The following FOXP4 variants were observed in gnomAD, a reference collection of about 807,000 sequenced individuals.
The protein encoded by FOXP4 is forkhead box P4.
FOXP4 carries 25 observed loss-of-function variants against 82.6 expected under a neutral mutation model. That is an observed-to-expected ratio of 0.30 (90% CI 0.22 to 0.42). The LOEUF is 0.42. FOXP4 is among the 10% of genes least tolerant of loss of function. The probability of loss-of-function intolerance (pLI) is 1.00; values close to 1 mark genes in which losing one functional copy is unlikely to be tolerated. For synonymous variants in FOXP4, 415 were observed against 388.2 expected (o/e 1.07, Z -0.81); for missense variants, 785 against 900.9 (o/e 0.87, Z 1.65).
chr6:41,557,911 C>T (rs186665907), intron 1 of FOXP4, among the ~76,000 whole-genome samples: 36 of 152,158 alleles, frequency 2.4e-4, no homozygotes, highest in African/African-American at 7.7e-4. Flanking sequence ...CCTTACAAAT[C>T]GAAGGCTTTG....
chr6:41,599,042 G>C lies in FOXP4; in HGVS notation c.*106G>C. On this transcript the variant is annotated 3_prime_UTR_variant, in exon 17 of 17. Transcript: ENST00000307972. ...CCTCCCGAGCCTCAAGGCAAGTCCA[G>C]GACTCAGACCGGGGAGGCCCGGGCC... The C allele has an allele frequency of 7.0e-7, 1 of 1,427,838 alleles. No homozygotes were observed. Among genetic ancestry groups the C allele is most frequent in the Non-Finnish European group, 9.3e-7 (1 of 1,080,576 alleles). The allele number at this position is 1,427,838 out of a possible 1,614,324, so 88.4% of individuals were successfully genotyped here. A position where few individuals can be genotyped will look rare whatever the true frequency, so the allele number is the denominator to read the frequency against.
At chr6:41,589,259 T>C (rs1249745244) in intron 9 of FOXP4, among the ~76,000 whole-genome samples, 1 of 152,218 alleles carries the variant, frequency 6.6e-6, no homozygotes, top group East Asian at 1.9e-4. Flanking sequence ...AGGAAGCAAC[T>C]CAGGGCAGCT....
At chr6:41,573,776 A>C (rs1765327607) in intron 2 of FOXP4, among the ~76,000 whole-genome samples, 1 of 152,172 alleles carries the variant, frequency 6.6e-6, no homozygotes, top group Non-Finnish European at 1.5e-5. Context: ...GGAGGCTCAA[A>C]GAGATGGTGA....
At chr6:41,567,497 C>G (rs1764949358) in intron 2 of FOXP4, among the ~76,000 whole-genome samples, 1 of 152,198 alleles carries the variant, frequency 6.6e-6, no homozygotes, top group Non-Finnish European at 1.5e-5. Context: ...ATATCCTAAC[C>G]TTTACCAACA....
At chr6:41,554,426 T>G (rs1044484134) in intron 1 of FOXP4, among the ~76,000 whole-genome samples, 1 of 152,220 alleles carries the variant, frequency 6.6e-6, no homozygotes, top group Non-Finnish European at 1.5e-5. Flanking sequence ...GGCAGCTGCC[T>G]CCTCGTGCCC....
chr6:41,591,110 C>A lies in FOXP4; in HGVS notation c.1435-111C>A. 3.5e-6 allele frequency: 3 copies of A among 860,236 alleles called. No individual in the cohort carries two copies. The highest frequency in any genetic ancestry group is 3.8e-6 in the Non-Finnish European group (2 of 530,750). The allele number at this position is 860,236 out of a possible 1,614,324, so 53.3% of individuals were successfully genotyped here. The stretch of plus-strand genomic sequence containing the variant: ...ACACATTTCTGAGCAGGTCTTCTCA[C>A]AAAGTGAACTCGGGGCTAGGCAGAA... On this transcript the variant is annotated intron_variant, in intron 12 of 16. Transcript: ENST00000307972. The surrounding 1 kb of genome is among the most constrained non-coding windows in gnomAD (Gnocchi z 4.2).
rs1767173222 is a variant in FOXP4, at chr6:41,600,609, C to T, written c.*1673C>T. On this transcript the variant is annotated 3_prime_UTR_variant, in exon 17 of 17. Coordinates refer to ENST00000307972, the MANE Select transcript of FOXP4 (RefSeq NM_001012426.2). ...GTTTGACCAGCACAGAAATATTAAA[C>T]GTCCTCTATTCACCGGGCCCTGTGT... The T allele has an allele frequency of 6.6e-6, 1 of 152,384 alleles. No homozygotes were observed. Among genetic ancestry groups the T allele is most frequent in the African/African-American group, 2.4e-5 (1 of 41,456 alleles). 9.4% of individuals were successfully genotyped at this position (152,384 alleles called of 1,614,324 possible).
At chr6:41,598,548 TC>T (rs1044637831) in intron 16 of FOXP4, among the ~76,000 whole-genome samples, 20 of 152,098 alleles carry the variant, frequency 1.3e-4, no homozygotes, top group African/African-American at 4.1e-4. Context: ...CTTCCTCCGT[TC>T]GCTCATCTCC....
rs139611420 is a variant in FOXP4 at position 41,597,340 on chromosome 6, G to A, written c.1725+98G>A. On this transcript the variant is annotated intron_variant, in intron 15 of 16. Transcript: ENST00000307972. The stretch of plus-strand genomic sequence containing the variant: ...CCTCCCCTGCAGAGGACTCACCAGA[G>A]GAGGGAAGGAGGGTGAAGACCCAAA... The A allele has an allele frequency of 1.1e-3, 1,449 of 1,285,484 alleles. 9 individuals carry two copies. In the African/African-American group the frequency reaches 0.018, roughly 16 times the overall value. 79.6% of individuals were successfully genotyped at this position (1,285,484 alleles called of 1,614,324 possible).
chr6:41,550,821 C>T (rs1268124145), intron 1 of FOXP4, among the ~76,000 whole-genome samples: 2 of 152,172 alleles, frequency 1.3e-5, no homozygotes, highest in Non-Finnish European at 2.9e-5. Flanking sequence ...AGAGAATTCC[C>T]CAGAATGCAG....
intron 1 of FOXP4, among the ~76,000 whole-genome samples, chr6:41,550,629 C>T (rs1370753902): frequency 1.3e-5 from 2 of 152,212 alleles, no homozygotes; most frequent in Non-Finnish European, 2.9e-5. Flanking sequence ...AGCTGCCATT[C>T]CTCCCTCCTT....
chr6:41,580,824 C>T (rs1765756879), intron 3 of FOXP4, among the ~76,000 whole-genome samples: 1 of 152,138 alleles, frequency 6.6e-6, no homozygotes, highest in Non-Finnish European at 1.5e-5. Context: ...CCCAGGGCTC[C>T]CCACAGAACG....
chr6:41,546,841 C>G lies in FOXP4; in HGVS notation c.-43C>G, dbSNP rs1421140406. 7 of 149,670 alleles carry G rather than the reference C, an allele frequency of 4.7e-5. No homozygotes were observed. Among genetic ancestry groups the G allele is most frequent in the Non-Finnish European group, 8.9e-5 (6 of 67,242 alleles). 9.3% of individuals were successfully genotyped at this position (149,670 alleles called of 1,614,324 possible). On this transcript the variant is annotated 5_prime_UTR_variant, in exon 1 of 17. Transcript: ENST00000307972. The stretch of plus-strand genomic sequence containing the variant: ...CCCCGCGCGGGCTGACGGGCCGGAG[C>G]CCGCACGGAGCGGCCGGGCGGGACA...
chr6:41,561,815 T>G (rs1189544756), intron 1 of FOXP4, among the ~76,000 whole-genome samples: 3 of 152,116 alleles, frequency 2.0e-5, no homozygotes, highest in Admixed American at 2.0e-4. Context: ...GACCACCTAT[T>G]TGTATAGAGA....
intron 2 of FOXP4, among the ~76,000 whole-genome samples, chr6:41,566,764 C>T (rs182180376): frequency 6.6e-6 from 1 of 152,204 alleles, no homozygotes; most frequent in Non-Finnish European, 1.5e-5. Context: ...TGATTTGACT[C>T]TGCTCCTGGA....
At chr6:41,598,634 C>A in intron 16 of FOXP4, 155 bp from the exon 17 acceptor site, 6 of 1,077,988 alleles carry the variant, frequency 5.6e-6, no homozygotes, top group East Asian at 2.6e-5. Flanking sequence ...TTGAAGAGAG[C>A]CCTAGGGGAG....
intron 2 of FOXP4, among the ~76,000 whole-genome samples, chr6:41,571,277 C>T (rs1404588550): frequency 6.6e-6 from 1 of 152,226 alleles, no homozygotes; most frequent in African/African-American, 2.4e-5. Flanking sequence ...CTGGATGAGC[C>T]CTGGGCTGCA....
At position 41,600,042 on chromosome 6, in the gene FOXP4, C is replaced by G. The variant is rs1767129276; in HGVS notation, c.*1106C>G. 6.5e-6 allele frequency: 1 copy of G among 152,740 alleles called. No homozygotes were observed. Among genetic ancestry groups the G allele is most frequent in the Admixed American group, 6.5e-5 (1 of 15,286 alleles). The allele number at this position is 152,740 out of a possible 1,614,324, so 9.5% of individuals were successfully genotyped here. On this transcript the variant is annotated 3_prime_UTR_variant, in exon 17 of 17. Coordinates refer to ENST00000307972, the MANE Select transcript of FOXP4 (RefSeq NM_001012426.2). ...CCCACCCCGGCCCCAGGCTGGAAGC[C>G]CTCCCTCCACTTAAGTTATTGTTTT... is the stretch of plus-strand genomic sequence containing the variant.
chr6:41,571,227 C>G (rs1765180986), intron 2 of FOXP4, among the ~76,000 whole-genome samples: 1 of 152,222 alleles, frequency 6.6e-6, no homozygotes, highest in African/African-American at 2.4e-5. Flanking sequence ...AGGACTCTCC[C>G]CCTCATGACA....
Sources: gnomAD v4.1 joint callset for allele counts (sites outside exome capture counted in the v4.1 genomes callset) on GRCh38, gnomAD v4.1.1 for gene constraint, Gnocchi (gnomAD v3.1) non-coding constraint, MANE v1.5 for transcripts, NCBI Gene and HGNC (gene_info 2026-07-23, HGNC 2026-07-21) for gene names.